Variants in CDH23 observed in about 807,000 individuals in gnomAD.
CDH23 encodes cadherin related 23.
In CDH23, 189 loss-of-function variants were observed where a neutral mutation model predicts 317.1. The ratio of observed to expected loss-of-function variants is 0.60; its 90% CI spans 0.53 to 0.67. CDH23 has a LOEUF of 0.67. Among genes scored for constraint, CDH23 ranks in the 30% least tolerant of loss-of-function variants. The probability of loss-of-function intolerance (pLI) is 0.00; values close to 1 mark genes in which losing one functional copy is unlikely to be tolerated. For missense variants in CDH23, 4,401 were observed against 4,592.4 expected, an observed-to-expected ratio of 0.96 and a Z score of 1.20; for synonymous variants, 1,839 against 1,876.8, an observed-to-expected ratio of 0.98 and a Z score of 0.52.
intron 18 of CDH23, 83 bp downstream of exon 18, chr10:71,682,655 T>C (rs1864704271): frequency 1.3e-6 from 2 of 1,531,994 alleles, no homozygotes; most frequent in East Asian, 4.8e-5. Flanking sequence ...TGTAGGACTG[T>C]GGCCCCCACC....
At chr10:71,695,552 G>T in intron 22 of CDH23, 27 bp downstream of exon 22, 4 of 1,499,974 alleles carry the variant, frequency 2.7e-6, no homozygotes, top group Non-Finnish European at 2.8e-6. Context: ...CAGCAGAACT[G>T]CCAGGCGGCC....
Position 71,615,541 on chromosome 10 carries a change from C to G in CDH23, c.870C>G (p.Ser290Arg). 1 of 1,613,852 alleles carries G rather than the reference C, an allele frequency of 6.2e-7. No individual in the cohort carries two copies. Among genetic ancestry groups the G allele is most frequent in the Non-Finnish European group, 8.5e-7 (1 of 1,179,830 alleles). Residue 290 changes from serine (S) to arginine (R), a missense_variant, in exon 10 of 70, where the codon AGC becomes AGG. Transcript: ENST00000224721. ...GCATCTTTGCCCTGGACTACATCAG[C>G]GGAGTGCTGACCTTGAATGGCCTGC... Reference protein sequence around the residue: ...TNSIFALDYISGVLTLNGLLD... With the variant: ...TNSIFALDYIRGVLTLNGLLD...
chr10:71,523,335 A>T (rs1854810849), intron 6 of CDH23, among the ~76,000 whole-genome samples: 1 of 152,120 alleles, frequency 6.6e-6, no homozygotes. Flanking sequence ...ATGGGAGAAG[A>T]ATAATAAATT....
chr10:71,621,951 C>G (rs1310981790), intron 11 of CDH23, among the ~76,000 whole-genome samples: 1 of 152,072 alleles, frequency 6.6e-6, no homozygotes, highest in Non-Finnish European at 1.5e-5. Flanking sequence ...TGGGCTGAAA[C>G]CAGCAACAAC....
intron 38 of CDH23, chr10:71,754,924 G>A: frequency 2.7e-6 from 1 of 366,412 alleles, no homozygotes; most frequent in Admixed American, 3.3e-5. Flanking sequence ...GTTGAGCTAA[G>A]TTGTCTGTAA....
intron 11 of CDH23, among the ~76,000 whole-genome samples, chr10:71,628,860 G>T (rs1216881882): frequency 6.6e-6 from 1 of 152,186 alleles, no homozygotes; most frequent in Non-Finnish European, 1.5e-5. Flanking sequence ...AAGGTGCAGA[G>T]CACGTTTTCC....
intron 3 of CDH23, among the ~76,000 whole-genome samples, chr10:71,483,095 C>T (rs1391050386): frequency 2.0e-5 from 3 of 152,224 alleles, no homozygotes; most frequent in Non-Finnish European, 2.9e-5. Context: ...AGGGGTCTAA[C>T]ATTAAATCAC....
intron 11 of CDH23, among the ~76,000 whole-genome samples, chr10:71,629,153 A>G (rs1240371422): frequency 6.6e-6 from 1 of 152,236 alleles, no homozygotes; most frequent in Non-Finnish European, 1.5e-5. Flanking sequence ...ACTGAGTGTC[A>G]GATGTGATTC....
At chr10:71,527,539 G>A (rs150010745) in intron 6 of CDH23, among the ~76,000 whole-genome samples, 8 of 152,342 alleles carry the variant, frequency 5.3e-5, no homozygotes, top group East Asian at 3.9e-4. Flanking sequence ...TTCACTGGGC[G>A]TGCACAGTTC....
chr10:71,761,164 T>G (rs532708167), intron 38 of CDH23, among the ~76,000 whole-genome samples: 16 of 152,176 alleles, frequency 1.1e-4, no homozygotes, highest in East Asian at 1.9e-4. Flanking sequence ...CACACCTCTA[T>G]CCGAACCATG....
intron 9 of CDH23, among the ~76,000 whole-genome samples, chr10:71,581,443 G>A (rs1858625239): frequency 6.6e-6 from 1 of 152,184 alleles, no homozygotes; most frequent in South Asian, 2.1e-4. Flanking sequence ...GCCCACAATG[G>A]ATCCGTGGCC....
At chr10:71,684,096 CAAACA>C (rs1391760436) in intron 18 of CDH23, among the ~76,000 whole-genome samples, 1 of 93,830 alleles carries the variant, frequency 1.1e-5, no homozygotes, top group African/African-American at 3.7e-5. Flanking sequence ...AACAAACAAA[CAAACA>C]AACAACAACA....
chr10:71,593,899 T>A (rs1859667627), intron 9 of CDH23, among the ~76,000 whole-genome samples: 1 of 152,138 alleles, frequency 6.6e-6, no homozygotes, highest in Non-Finnish European at 1.5e-5. Flanking sequence ...AAGAGGTGGA[T>A]CACTGAGGCC....
intron 14 of CDH23, among the ~76,000 whole-genome samples, chr10:71,665,387 C>T (rs973258890): frequency 6.6e-6 from 1 of 152,234 alleles, no homozygotes; most frequent in African/African-American, 2.4e-5. Flanking sequence ...AGCCTCTGTT[C>T]CTGCCCTGGA....
intron 3 of CDH23, among the ~76,000 whole-genome samples, chr10:71,501,406 G>A (rs1221005514): frequency 6.6e-6 from 1 of 152,174 alleles, no homozygotes; most frequent in African/African-American, 2.4e-5. Context: ...GGCTTTGAAG[G>A]TAGAGATGGT....
At chr10:71,643,741 G>A (rs1795977398) in intron 11 of CDH23, 120 bp from the exon 12 acceptor site, 1 of 699,716 alleles carries the variant, frequency 1.4e-6, no homozygotes, top group Non-Finnish European at 2.6e-6. Flanking sequence ...TGATCCTGGG[G>A]TCCCTCCCAT....
chr10:71,653,087 C>T (rs1314633449), intron 14 of CDH23, among the ~76,000 whole-genome samples: 4 of 151,326 alleles, frequency 2.6e-5, no homozygotes, highest in African/African-American at 9.7e-5. Flanking sequence ...CAGGAAGATT[C>T]CCCAGGACTT....
At chr10:71,577,521 G>T (rs1858294529) in intron 8 of CDH23, among the ~76,000 whole-genome samples, 1 of 152,208 alleles carries the variant, frequency 6.6e-6, no homozygotes, top group East Asian at 1.9e-4. Context: ...TATTAAGGTG[G>T]AGGGAAAGTG....
rs1841325853 is a variant in CDH23 at position 71,793,640 on chromosome 10, G to A, written c.6712G>A (p.Gly2238Arg). Reference protein sequence around the residue: ...EDAFAVNINTGSVMVKSPMNR... With the variant: ...EDAFAVNINTRSVMVKSPMNR... Reference sequence around the variant, plus strand: ...CGCCTTTGCTGTGAATATCAACACAGGTACAAGGGCCTGCACCCCTCCCAC... The same window carrying A: ...CGCCTTTGCTGTGAATATCAACACAAGTACAAGGGCCTGCACCCCTCCCAC... Residue 2238 changes from glycine (G) to arginine (R), a missense_variant and splice_region_variant, in exon 48 of 70, where the codon GGA becomes AGA. Around this residue, in one of 3 missense-constraint regions of CDH23, gnomAD observed 3,068 missense variants for 3,203.3 expected, o/e 0.96. Coordinates refer to ENST00000224721, the MANE Select transcript of CDH23 (RefSeq NM_022124.6). 1.3e-6 allele frequency: 2 copies of A among 1,573,382 alleles called. No individual in the cohort carries two copies. Among genetic ancestry groups the A allele is most frequent in the South Asian group, 2.4e-5 (2 of 83,792 alleles).
Sources: allele counts gnomAD v4.1 joint callset (sites outside exome capture counted in the v4.1 genomes callset), GRCh38; gene constraint gnomAD v4.1.1; regional missense constraint gnomAD v4.1.1; transcripts MANE v1.5; gene names NCBI Gene and HGNC (gene_info 2026-07-23, HGNC 2026-07-21).